The following LAMA3 variants were observed in gnomAD, a reference collection of about 807,000 sequenced individuals.
LAMA3 encodes laminin subunit alpha 3, also known as laminin subunit alpha-3.
LAMA3 carries 281 observed loss-of-function variants against 402.0 expected under a neutral mutation model. That is an observed-to-expected ratio of 0.70 (90% CI 0.63 to 0.77). The LOEUF is 0.77. Ranked by LOEUF, LAMA3 falls within the 30% of genes least tolerant of loss-of-function variation. The pLI is 0.00. For missense variants in LAMA3, 3,840 were observed against 4,215.5 expected (o/e 0.91, Z 2.47); for synonymous variants, 1,431 against 1,558.4 (o/e 0.92, Z 1.93).
chr18:23,871,081 G>C (rs1036280379), intron 37 of LAMA3, among the ~76,000 whole-genome samples: 2 of 152,206 alleles, frequency 1.3e-5, no homozygotes, highest in African/African-American at 4.8e-5. Flanking sequence ...GACCTGAGCT[G>C]CATGACTCAG....
rs1401794166 is a variant in LAMA3, at chr18:23,824,453, T to C, written c.2459T>C (p.Leu820Pro). 6.8e-6 allele frequency: 11 copies of C among 1,614,066 alleles called. No individual in the cohort carries two copies. Among genetic ancestry groups the C allele is most frequent in the African/African-American group, 2.7e-5 (2 of 74,946 alleles). Reference sequence around the variant, plus strand: ...GCTCAAAGCAAAGAGATCATCTTCCTGCCGAGTAAGGAGCCAGCCTTTGTC... The same window carrying C: ...GCTCAAAGCAAAGAGATCATCTTCCCGCCGAGTAAGGAGCCAGCCTTTGTC... ...GAAQSKEIIF[L>P]PSKEPAFVTV... is the part of the protein sequence containing the mutation. The change falls in exon 21 of 75, where the codon CTG becomes CCG. Residue 820 changes from leucine (L) to proline (P), a missense_variant. Transcript: ENST00000313654.
chr18:23,734,116 C>T (rs1393917465), intron 2 of LAMA3, among the ~76,000 whole-genome samples: 1 of 152,256 alleles, frequency 6.6e-6, no homozygotes, highest in African/African-American at 2.4e-5. Context: ...TCTCTGCCGT[C>T]TCAACTTCTA....
chr18:23,779,750 A>G (rs2062398474), intron 11 of LAMA3, among the ~76,000 whole-genome samples: 1 of 152,070 alleles, frequency 6.6e-6, no homozygotes. Flanking sequence ...TCATCCAGGA[A>G]TGTGGGTGGG....
chr18:23,916,054 G>GA (rs2081610537), intron 59 of LAMA3, among the ~76,000 whole-genome samples: 1 of 119,734 alleles, frequency 8.4e-6, no homozygotes, highest in African/African-American at 3.4e-5. Context: ...AAAAGAAAAA[G>GA]AAAAGAAAAG....
intron 39 of LAMA3, among the ~76,000 whole-genome samples, chr18:23,878,508 G>GCA (rs371662904): frequency 6.6e-6 from 1 of 152,034 alleles, no homozygotes; most frequent in South Asian, 2.1e-4. Flanking sequence ...ACACACACAC[G>GCA]CACACACACA....
intron 12 of LAMA3, among the ~76,000 whole-genome samples, chr18:23,799,039 A>C (rs1330623744): frequency 1.3e-5 from 2 of 152,226 alleles, no homozygotes; most frequent in Admixed American, 1.3e-4. Context: ...GAAGGATTTC[A>C]ATAGTTACTC....
chr18:23,812,032 C>T (rs1356478180), intron 13 of LAMA3, among the ~76,000 whole-genome samples: 3 of 151,950 alleles, frequency 2.0e-5, no homozygotes, highest in Non-Finnish European at 4.4e-5. Flanking sequence ...TGCCACCATG[C>T]CTAGCTAATT....
At chr18:23,705,557 C>T (rs2060873239) in intron 1 of LAMA3, among the ~76,000 whole-genome samples, 1 of 152,084 alleles carries the variant, frequency 6.6e-6, no homozygotes, top group African/African-American at 2.4e-5. Flanking sequence ...CAGGGTCTCA[C>T]TCCATCACCC....
At chr18:23,759,147 T>G (rs1173524177) in intron 7 of LAMA3, among the ~76,000 whole-genome samples, 1 of 151,880 alleles carries the variant, frequency 6.6e-6, no homozygotes, top group Admixed American at 6.6e-5. Flanking sequence ...GAAACCAGCC[T>G]AGGCAACATA....
chr18:23,764,686 CAGTT>C (rs1024206333), intron 8 of LAMA3, among the ~76,000 whole-genome samples: 18 of 151,370 alleles, frequency 1.2e-4, no homozygotes, highest in South Asian at 8.3e-4. Context: ...GCCTTTTACT[CAGTT>C]AGATATTTAG....
chr18:23,821,417 G>A (rs372083385), intron 19 of LAMA3, among the ~76,000 whole-genome samples: 50 of 152,268 alleles, frequency 3.3e-4, no homozygotes, highest in East Asian at 5.8e-4. Context: ...CCAATATCTC[G>A]CTTAAAAAAA....
At chr18:23,820,090 C>A in intron 19 of LAMA3, 93 bp downstream of exon 19, 1 of 1,238,664 alleles carries the variant, frequency 8.1e-7, no homozygotes, top group East Asian at 2.3e-5. Flanking sequence ...TGACCTGTCC[C>A]CAGAACTGAT....
intron 43 of LAMA3, 110 bp downstream of exon 43, chr18:23,894,458 G>T: frequency 1.0e-6 from 1 of 985,668 alleles, no homozygotes; most frequent in African/African-American, 1.6e-5. Context: ...GTAAGGGTGG[G>T]AGGAGGTGGA....
At position 23,921,588 on chromosome 18, in the gene LAMA3, A is replaced by G. The variant is rs773276674; in HGVS notation, c.8177+3A>G. On this transcript the variant is annotated splice_donor_region_variant and intron_variant, in intron 62 of 74. Coordinates refer to ENST00000313654, the MANE Select transcript of LAMA3 (RefSeq NM_198129.4). ...ATTCCAATTGCAATCAGGGAAAGGT[A>G]AGATGATTTTTTTAAAACGAGATTT... 2 of 1,613,680 alleles carry G rather than the reference A, an allele frequency of 1.2e-6. No individual in the cohort carries two copies. Among genetic ancestry groups the G allele is most frequent in the Non-Finnish European group, 1.7e-6 (2 of 1,179,864 alleles).
intron 12 of LAMA3, among the ~76,000 whole-genome samples, chr18:23,786,288 C>G (rs1231151412): frequency 6.6e-6 from 1 of 152,116 alleles, no homozygotes; most frequent in Admixed American, 6.5e-5. Context: ...TATCCTGTGC[C>G]CCAGTTTGGG....
intron 2 of LAMA3, among the ~76,000 whole-genome samples, chr18:23,739,991 C>T (rs1355930823): frequency 1.3e-5 from 2 of 152,130 alleles, no homozygotes; most frequent in Non-Finnish European, 2.9e-5. Context: ...CAGACACATT[C>T]TTAGGCTACT....
intron 30 of LAMA3, among the ~76,000 whole-genome samples, chr18:23,845,357 G>T (rs922981162): frequency 1.3e-5 from 2 of 152,208 alleles, no homozygotes; most frequent in Admixed American, 1.3e-4. Flanking sequence ...GAACTCAACG[G>T]GGGTCCGTAC....
intron 2 of LAMA3, among the ~76,000 whole-genome samples, chr18:23,745,366 T>C (rs1357903146): frequency 6.6e-6 from 1 of 152,200 alleles, no homozygotes; most frequent in Non-Finnish European, 1.5e-5. Flanking sequence ...TAGCAGAAAG[T>C]ACAACTTTAG....
intron 41 of LAMA3, among the ~76,000 whole-genome samples, chr18:23,888,541 T>C (rs951756454): frequency 2.0e-5 from 3 of 152,072 alleles, no homozygotes; most frequent in Non-Finnish European, 4.4e-5. Context: ...TCATGGGGGC[T>C]GTGGGGGGGA....
Sources: allele counts gnomAD v4.1 joint callset (sites outside exome capture counted in the v4.1 genomes callset), GRCh38; gene constraint gnomAD v4.1.1; transcripts MANE v1.5; gene names NCBI Gene and HGNC (gene_info 2026-07-23, HGNC 2026-07-21).